The following PRKCE variants were observed in gnomAD, a reference collection of about 807,000 sequenced individuals.
PRKCE encodes protein kinase C epsilon, also known as protein kinase C epsilon type.
A neutral mutation model predicts 85.4 loss-of-function variants in PRKCE; 16 were observed. The ratio of observed to expected loss-of-function variants is 0.19; its 90% CI spans 0.13 to 0.28. The LOEUF (loss-of-function observed/expected upper bound fraction) is 0.28, where lower values mean the gene tolerates loss of function less well. Among genes scored for constraint, PRKCE ranks in the 10% least tolerant of loss-of-function variants. The pLI is 1.00. For synonymous variants in PRKCE, 388 were observed against 371.5 expected, an observed-to-expected ratio of 1.04 and a Z score of -0.51; for missense variants, 573 against 975.2, an observed-to-expected ratio of 0.59 and a Z score of 5.49.
chr2:45,970,074 C>T (rs1188283244), intron 2 of PRKCE, among the ~76,000 whole-genome samples: 1 of 152,072 alleles, frequency 6.6e-6, no homozygotes, highest in Non-Finnish European at 1.5e-5. Flanking sequence ...AAGGAGTTGC[C>T]GAATCAAAGG....
chr2:46,074,108 T>G (rs1668316185), intron 10 of PRKCE: 1 of 152,170 alleles, frequency 6.6e-6, no homozygotes, highest in Non-Finnish European at 1.5e-5. Flanking sequence ...AATATTGATG[T>G]GCCTGTTTAT....
chr2:45,896,080 C>T (rs1696117324), intron 2 of PRKCE, among the ~76,000 whole-genome samples: 1 of 152,182 alleles, frequency 6.6e-6, no homozygotes. Context: ...GAGGTGTAAG[C>T]ATATCTGGGT....
At chr2:46,152,700 C>T (rs920939179) in intron 13 of PRKCE, among the ~76,000 whole-genome samples, 1 of 151,896 alleles carries the variant, frequency 6.6e-6, no homozygotes, top group Admixed American at 6.6e-5. Context: ...AGGCGCCCAC[C>T]ACCATGCTCA....
At chr2:46,002,679 TG>T (rs1704799302) in intron 7 of PRKCE, among the ~76,000 whole-genome samples, 1 of 152,344 alleles carries the variant, frequency 6.6e-6, no homozygotes, top group Non-Finnish European at 1.5e-5. Flanking sequence ...TTCTCAGCTT[TG>T]TAAATTCCAC....
chr2:45,890,502 C>T (rs147713614), intron 2 of PRKCE, among the ~76,000 whole-genome samples: 2,841 of 152,178 alleles, frequency 0.019, 44 homozygotes, highest in Non-Finnish European at 0.029. Context: ...GCCTCAGCCT[C>T]CTGAGTAGCT....
intron 1 of PRKCE, among the ~76,000 whole-genome samples, chr2:45,705,817 G>C (rs1393387246): frequency 6.6e-6 from 1 of 152,240 alleles, no homozygotes; most frequent in Non-Finnish European, 1.5e-5. Flanking sequence ...CTGCTGACCT[G>C]ATTAAGCCTT....
chr2:46,127,165 T>C (rs1479747662), intron 11 of PRKCE, among the ~76,000 whole-genome samples: 1 of 152,188 alleles, frequency 6.6e-6, no homozygotes, highest in African/African-American at 2.4e-5. Context: ...AGCTTCCAGG[T>C]TTGTTCAGTT....
In PRKCE at chr2:46,100,590, C is replaced by A. The variant is rs113444020; in HGVS notation, c.1592+14228C>A. On this transcript the variant is annotated intron_variant, in intron 11 of 14. Coordinates refer to ENST00000306156, the MANE Select transcript of PRKCE (RefSeq NM_005400.3). Reference sequence around the variant, plus strand: ...GGGCATCTCTCATGAAGTCCCCTCCCGTGTTGGAAATCTGCTCATGCAAAA... The same window carrying A: ...GGGCATCTCTCATGAAGTCCCCTCCAGTGTTGGAAATCTGCTCATGCAAAA... Among the ~76,000 whole-genome samples the A allele has an allele frequency of 2.6e-5, 4 of 152,284 alleles. No homozygotes were observed. The South Asian group carries it at 8.3e-4, about 32-fold the overall frequency.
At chr2:45,859,070 AAATAAATAAATAAATAAAT>A (rs1692929325) in intron 2 of PRKCE, among the ~76,000 whole-genome samples, 2 of 151,164 alleles carry the variant, frequency 1.3e-5, no homozygotes, top group South Asian at 2.1e-4. Context: ...ATAAATAAAT[AAATAAATAAATAAATAAAT>A]AAAATAGTAT....
At chr2:45,911,333 A>G (rs963941556) in intron 2 of PRKCE, among the ~76,000 whole-genome samples, 1 of 152,234 alleles carries the variant, frequency 6.6e-6, no homozygotes, top group African/African-American at 2.4e-5. Flanking sequence ...AATACAAACC[A>G]GGGCTAGACA....
At chr2:46,105,911 A>G (rs1574484754) in intron 11 of PRKCE, among the ~76,000 whole-genome samples, 1 of 152,370 alleles carries the variant, frequency 6.6e-6, no homozygotes, top group Non-Finnish European at 1.5e-5. Flanking sequence ...GGCACCAGGT[A>G]TGGTTGGTGT....
At chr2:45,787,646 G>T (rs1266204496) in intron 1 of PRKCE, among the ~76,000 whole-genome samples, 1 of 152,130 alleles carries the variant, frequency 6.6e-6, no homozygotes, top group Non-Finnish European at 1.5e-5. Flanking sequence ...ATATATTTGG[G>T]TTCCATATAA....
At chr2:45,745,487 C>G (rs1683067294) in intron 1 of PRKCE, among the ~76,000 whole-genome samples, 1 of 152,220 alleles carries the variant, frequency 6.6e-6, no homozygotes, top group Non-Finnish European at 1.5e-5. Flanking sequence ...GAGACCTGAT[C>G]TCTACCTGGC....
At chr2:45,821,858 T>C (rs1689561343) in intron 1 of PRKCE, among the ~76,000 whole-genome samples, 1 of 152,164 alleles carries the variant, frequency 6.6e-6, no homozygotes, top group Non-Finnish European at 1.5e-5. Context: ...GCTGGGTGGA[T>C]TCATGCTGAG....
Position 46,026,979 on chromosome 2 carries a change from G to T in PRKCE, c.1437+16462G>T, listed in dbSNP as rs1421318809. On this transcript the variant is annotated intron_variant, in intron 10 of 14. Coordinates refer to ENST00000306156, the MANE Select transcript of PRKCE (RefSeq NM_005400.3). ...GGCAGGAGGATTGCTTGAGCCCTGGGAACATAGTGAGACCCTGTCTCTACA... is the reference window on the plus strand; with the variant it reads ...GGCAGGAGGATTGCTTGAGCCCTGGTAACATAGTGAGACCCTGTCTCTACA... 2.0e-5 allele frequency among the ~76,000 whole-genome samples: 3 copies of T among 152,220 alleles called. No homozygotes were observed. The South Asian group carries it at 6.2e-4, about 32-fold the overall frequency.
chr2:46,182,595 C>T (rs1680105195), intron 14 of PRKCE, among the ~76,000 whole-genome samples: 1 of 152,186 alleles, frequency 6.6e-6, no homozygotes. Flanking sequence ...CTGAGACCTG[C>T]TGACCTATGC....
chr2:45,769,910 A>G (rs1685181095), intron 1 of PRKCE, among the ~76,000 whole-genome samples: 1 of 152,352 alleles, frequency 6.6e-6, no homozygotes, highest in East Asian at 1.9e-4. Flanking sequence ...AAACATGTAC[A>G]CGGCGCCAAT....
chr2:45,967,048 C>T (rs575461906), intron 2 of PRKCE, among the ~76,000 whole-genome samples: 1 of 152,312 alleles, frequency 6.6e-6, no homozygotes, highest in East Asian at 1.9e-4. Context: ...GTCTGATCTC[C>T]TCAGGGCCAG....
At chr2:45,951,613 C>T (rs1336309132) in intron 2 of PRKCE, among the ~76,000 whole-genome samples, 2 of 152,218 alleles carry the variant, frequency 1.3e-5, no homozygotes, top group African/African-American at 4.8e-5. Context: ...AATGCAGCAT[C>T]TCACAAAATG....
Sources: gnomAD v4.1 joint callset for allele counts (sites outside exome capture counted in the v4.1 genomes callset) on GRCh38, gnomAD v4.1.1 for gene constraint, MANE v1.5 for transcripts, NCBI Gene and HGNC (gene_info 2026-07-23, HGNC 2026-07-21) for gene names.